Variants in CLU observed in about 807,000 individuals in gnomAD.
The protein encoded by CLU is clusterin.
A neutral mutation model predicts 46.4 loss-of-function variants in CLU; 25 were observed. That is an observed-to-expected ratio of 0.54 (90% CI 0.39 to 0.75). The LOEUF (loss-of-function observed/expected upper bound fraction) is 0.75, where lower values mean the gene tolerates loss of function less well. Ranked by LOEUF, CLU falls within the 30% of genes least tolerant of loss-of-function variation. The pLI, the probability that CLU is intolerant of heterozygous loss-of-function variation, is 0.00. For missense variants in CLU, 504 were observed against 592.1 expected, an observed-to-expected ratio of 0.85 and a Z score of 1.54; for synonymous variants, 235 against 235.1, an observed-to-expected ratio of 1.00 and a Z score of 0.00.
At chr8:27,612,902 G>A (rs1023166785) in intron 1 of CLU, among the ~76,000 whole-genome samples, 4 of 148,098 alleles carry the variant, frequency 2.7e-5, no homozygotes, top group South Asian at 2.2e-4. Context: ...AGAAAAGGCC[G>A]GTTCTGTGGA....
At chr8:27,607,017 T>C (rs1267036855) in intron 3 of CLU, among the ~76,000 whole-genome samples, 1 of 150,544 alleles carries the variant, frequency 6.6e-6, no homozygotes, top group Non-Finnish European at 1.5e-5. Flanking sequence ...TAACGGGCCC[T>C]TGCCACTTGA....
At position 27,613,402 on chromosome 8, in the gene CLU, A is replaced by G. The variant is rs1455323160; in HGVS notation, c.-30+1253T>C. 2.1e-4 allele frequency among the ~76,000 whole-genome samples: 30 copies of G among 145,984 alleles called. No individual in the cohort carries two copies. The East Asian group carries it at 2.4e-3, about 12-fold the overall frequency. ...CTTGGTCTCAGGAAAAAAAAAAAAA[A>G]AGAGAGAAAAGAAAGAAAGAAAATC... is the stretch of plus-strand genomic sequence containing the variant. On this transcript the variant is annotated intron_variant, in intron 1 of 8. Transcript: ENST00000316403.
At chr8:27,598,327 C>T in intron 8 of CLU, 77 bp from the exon 9 acceptor site, 2 of 1,601,974 alleles carry the variant, frequency 1.2e-6, no homozygotes. Context: ...AACTTCCTGG[C>T]TTTGTTCTTG....
rs373382856 is a variant in CLU at position 27,598,153 on chromosome 8, G to A, written c.*88C>T. 190 of 1,408,754 alleles carry A rather than the reference G, an allele frequency of 1.3e-4. No individual in the cohort carries two copies. The highest frequency in any genetic ancestry group is 1.7e-4 in the Non-Finnish European group (171 of 999,176). The allele number at this position is 1,408,754 out of a possible 1,614,324, so 87.3% of individuals were successfully genotyped here. ...GGCTGGGGCCTGGTTACTTGGTGAC[G>A]TGCAGAGCTCTCTCTGGGGGGCTGC... On this transcript the variant is annotated 3_prime_UTR_variant, in exon 9 of 9. Transcript: ENST00000316403.
At chr8:27,604,240 C>T in intron 6 of CLU, 51 bp downstream of exon 6, 2 of 1,450,084 alleles carry the variant, frequency 1.4e-6, no homozygotes, top group Non-Finnish European at 9.7e-7. Context: ...CCAGTGACCC[C>T]AGGACACAAG....
chr8:27,614,339 C>A (rs1200994376), intron 1 of CLU: 10 of 207,962 alleles, frequency 4.8e-5, no homozygotes, highest in Non-Finnish European at 7.7e-5. Context: ...TCTCCCGCAA[C>A]GCGGCAGGTC....
At position 27,614,663 on chromosome 8, in the gene CLU, G is replaced by A. The variant is rs1055426723; in HGVS notation, c.-38C>T. 1.7e-5 allele frequency: 9 copies of A among 530,404 alleles called. No individual in the cohort carries two copies. Among genetic ancestry groups the A allele is most frequent in the South Asian group, 1.1e-4 (8 of 71,412 alleles). 32.9% of individuals were successfully genotyped at this position (530,404 alleles called of 1,614,324 possible). On this transcript the variant is annotated 5_prime_UTR_variant, in exon 1 of 9. Coordinates refer to ENST00000316403, the MANE Select transcript of CLU (RefSeq NM_001831.4). ...AGACGGGGACATCTCACCGGTCAGC[G>A]GCACCCTGTGCCCGCGCGCTCCTCC...
rs1033045030 is a variant in CLU, at chr8:27,596,950, A to G, written c.*1291T>C. 2.2e-6 allele frequency: 1 copy of G among 453,228 alleles called. No homozygotes were observed. Among genetic ancestry groups the G allele is most frequent in the Non-Finnish European group, 4.4e-6 (1 of 226,276 alleles). 28.1% of individuals were successfully genotyped at this position (453,228 alleles called of 1,614,324 possible). ...GAAACAGTGTGACATTAATGTGACA[A>G]TGTGACATATACTTTACAATTATGA... On this transcript the variant is annotated 3_prime_UTR_variant, in exon 9 of 9. Transcript: ENST00000316403.
At chr8:27,604,640 T>A (rs1454376423) in intron 5 of CLU, among the ~76,000 whole-genome samples, 1 of 152,066 alleles carries the variant, frequency 6.6e-6, no homozygotes, top group Non-Finnish European at 1.5e-5. Flanking sequence ...ACCCGGCTAA[T>A]TTTTTAAGTT....
intron 1 of CLU, chr8:27,613,954 C>T (rs1339403831): frequency 6.6e-6 from 1 of 152,094 alleles, no homozygotes; most frequent in Non-Finnish European, 1.5e-5. Context: ...GGCTCGAATC[C>T]CAATTCTGAT....
intron 6 of CLU, among the ~76,000 whole-genome samples, chr8:27,600,899 A>G (rs973764460): frequency 6.6e-6 from 1 of 152,164 alleles, no homozygotes; most frequent in Non-Finnish European, 1.5e-5. Context: ...ATTTTTACCA[A>G]TAATGAAACT....
intron 1 of CLU, chr8:27,611,577 C>T (rs2128910571): frequency 2.2e-6 from 1 of 457,796 alleles, no homozygotes. Flanking sequence ...ATGCCCCTCC[C>T]AAGAACTGCT....
Position 27,597,379 on chromosome 8 carries a change from G to A in CLU, c.*862C>T, listed in dbSNP as rs1222284916. Reference sequence around the variant, plus strand: ...CCAGCTATGGTTCAGACTAAAAGCCGAGAAACGCCTGTGGTCCAGGGAAAG... The same window carrying A: ...CCAGCTATGGTTCAGACTAAAAGCCAAGAAACGCCTGTGGTCCAGGGAAAG... On this transcript the variant is annotated 3_prime_UTR_variant, in exon 9 of 9. Coordinates refer to ENST00000316403, the MANE Select transcript of CLU (RefSeq NM_001831.4). 8.1e-5 allele frequency: 37 copies of A among 454,406 alleles called. No individual in the cohort carries two copies. The highest frequency in any genetic ancestry group is 7.8e-4 in the Admixed American group (33 of 42,556). The allele number at this position is 454,406 out of a possible 1,614,324, so 28.1% of individuals were successfully genotyped here.
chr8:27,603,930 G>A (rs1800765888), intron 6 of CLU, among the ~76,000 whole-genome samples: 1 of 152,214 alleles, frequency 6.6e-6, no homozygotes, highest in South Asian at 2.1e-4. Context: ...ATCTGCAGAG[G>A]AAAATGAAGA....
At position 27,606,346 on chromosome 8, in the gene CLU, C is replaced by G. The variant is rs781592788; in HGVS notation, c.417+8G>C. 150 of 1,613,764 alleles carry G rather than the reference C, an allele frequency of 9.3e-5. 1 individual carries two copies. The Admixed American group carries it at 2.5e-3, about 27-fold the overall frequency. ...AGAGCCTTGGCCACTCATGTGTCCC[C>G]TTTTCACCTGGCGGCCAACCAGGCC... On this transcript the variant is annotated splice_region_variant and intron_variant, in intron 4 of 8. Coordinates refer to ENST00000316403, the MANE Select transcript of CLU (RefSeq NM_001831.4).
chr8:27,599,489 A>C lies in CLU; in HGVS notation c.1164+291T>G. On this transcript the variant is annotated intron_variant, in intron 7 of 8. Coordinates refer to ENST00000316403, the MANE Select transcript of CLU (RefSeq NM_001831.4). The surrounding 1 kb of genome is among the most constrained non-coding windows in gnomAD (Gnocchi z 4.0). ...AGATTTGTGCACCAAAACAAAAACA[A>C]CAACAACAAAATACAGGCTTGGCAG... is the stretch of plus-strand genomic sequence containing the variant. 2.3e-6 allele frequency: 1 copy of C among 433,898 alleles called. No individual in the cohort carries two copies. The highest frequency in any genetic ancestry group is 2.4e-5 in the South Asian group (1 of 41,378). 26.9% of individuals were successfully genotyped at this position (433,898 alleles called of 1,614,324 possible). A position where few individuals can be genotyped will look rare whatever the true frequency, so the allele number is the denominator to read the frequency against.
intron 6 of CLU, among the ~76,000 whole-genome samples, chr8:27,600,282 T>C (rs749901965): frequency 6.6e-6 from 1 of 152,196 alleles, no homozygotes; most frequent in Non-Finnish European, 1.5e-5. Flanking sequence ...TTGCCTAGGC[T>C]GGAATACAGT....
chr8:27,597,841 C>T lies in CLU; in HGVS notation c.*400G>A, dbSNP rs1213794348. ...CATCATATCCCTTTTATTCTTCACC[C>T]TTTTATTCTTCACTGGTATGACAGT... On this transcript the variant is annotated 3_prime_UTR_variant, in exon 9 of 9. Coordinates refer to ENST00000316403, the MANE Select transcript of CLU (RefSeq NM_001831.4). The T allele has an allele frequency of 2.1e-6, 1 of 475,654 alleles. No individual in the cohort carries two copies. The highest frequency in any genetic ancestry group is 4.1e-6 in the Non-Finnish European group (1 of 241,736). 29.5% of individuals were successfully genotyped at this position (475,654 alleles called of 1,614,324 possible).
chr8:27,608,718 G>A (rs914967602), intron 3 of CLU: 22 of 617,736 alleles, frequency 3.6e-5, no homozygotes, highest in Non-Finnish European at 6.1e-5. Context: ...TAGGCCCTGG[G>A]CCAGGCTCAT....
Sources: gnomAD v4.1 joint callset for allele counts (sites outside exome capture counted in the v4.1 genomes callset) on GRCh38, gnomAD v4.1.1 for gene constraint, Gnocchi (gnomAD v3.1) non-coding constraint, MANE v1.5 for transcripts, NCBI Gene and HGNC (gene_info 2026-07-23, HGNC 2026-07-21) for gene names.